AQP7: variants seen among roughly 807,000 people sequenced by gnomAD.
AQP7 encodes aquaporin 7.
Under a neutral mutation model 26.1 loss-of-function variants are expected in AQP7, and 22 were observed. That is an observed-to-expected ratio of 0.84 (90% CI 0.60 to 1.20). AQP7 has a LOEUF of 1.20. Among genes scored for constraint, AQP7 ranks in the 50% most tolerant of loss-of-function variants. The pLI is 0.00. For synonymous variants in AQP7, 167 were observed against 181.7 expected, an observed-to-expected ratio of 0.92 and a Z score of 0.65; for missense variants, 412 against 457.5, an observed-to-expected ratio of 0.90 and a Z score of 0.91.
chr9:33,394,596 C>A (rs1564186197), intron 3 of AQP7, among the ~76,000 whole-genome samples: 1 of 151,066 alleles, frequency 6.6e-6, no homozygotes, highest in Non-Finnish European at 1.5e-5. Context: ...CTCCTGGGCT[C>A]AAGTGATTCT....
chr9:33,387,564 CCCA>C (rs1824974436), intron 3 of AQP7, among the ~76,000 whole-genome samples: 1 of 152,086 alleles, frequency 6.6e-6, no homozygotes, highest in South Asian at 2.1e-4. Flanking sequence ...CACCGCAATT[CCCA>C]CAATGCTGGA....
Position 33,384,261 on chromosome 9 carries a change from A to G in AQP7, c.*744T>C, listed in dbSNP as rs1255854063. ...TTCCCTCTTTGCATCTTCCTTTCCT[A>G]TTCCTTCATGTGGGAGCACTCTGGC... On this transcript the variant is annotated 3_prime_UTR_variant, in exon 8 of 8. Transcript: ENST00000297988. 3.9e-5 allele frequency: 6 copies of G among 152,122 alleles called. No individual in the cohort carries two copies. The highest frequency in any genetic ancestry group is 2.0e-4 in the Admixed American group (3 of 15,274). The allele number at this position is 152,122 out of a possible 1,614,324, so 9.4% of individuals were successfully genotyped here.
chr9:33,392,623 G>C (rs1359088420), intron 3 of AQP7, among the ~76,000 whole-genome samples: 1 of 152,170 alleles, frequency 6.6e-6, no homozygotes, highest in Non-Finnish European at 1.5e-5. Context: ...GCACCCTCCT[G>C]CCTCCGAGGT....
rs549854965 is a variant in AQP7, at chr9:33,389,151, C to G, written c.145-2059G>C. Among the ~76,000 whole-genome samples, 15 of 152,164 alleles carry G rather than the reference C, an allele frequency of 9.9e-5. No individual in the cohort carries two copies. In the East Asian group the frequency reaches 2.9e-3, roughly 29 times the overall value. Reference sequence around the variant, plus strand: ...CAAGTGATTCTCCTGCCTTAGCCTCCCGAGTAGTTGAGATAATAGGTGCAC... The same window carrying G: ...CAAGTGATTCTCCTGCCTTAGCCTCGCGAGTAGTTGAGATAATAGGTGCAC... On this transcript the variant is annotated intron_variant, in intron 3 of 7. Transcript: ENST00000297988.
chr9:33,387,321 G>A (rs1482227053), intron 3 of AQP7, among the ~76,000 whole-genome samples: 2 of 152,130 alleles, frequency 1.3e-5, no homozygotes, highest in African/African-American at 4.8e-5. Context: ...GGGTGGAGCG[G>A]CAGAGTTAGA....
At chr9:33,400,991 C>A in intron 2 of AQP7, 1 of 558,550 alleles carries the variant, frequency 1.8e-6, no homozygotes, top group East Asian at 3.0e-5. Context: ...AGTTGAAGGC[C>A]ACCTGCATGC....
At chr9:33,398,657 G>A (rs1364869760) in intron 2 of AQP7, among the ~76,000 whole-genome samples, 2 of 152,194 alleles carry the variant, frequency 1.3e-5, no homozygotes, top group African/African-American at 2.4e-5. Flanking sequence ...GAATGGACAA[G>A]GAGGCCCTTT....
intron 2 of AQP7, among the ~76,000 whole-genome samples, chr9:33,396,680 T>C (rs754280700): frequency 1.7e-4 from 25 of 144,162 alleles, no homozygotes; most frequent in Non-Finnish European, 2.7e-4. Context: ...CCAGCCTTCT[T>C]TTCTTGACCT....
At chr9:33,398,529 G>C (rs1441866872) in intron 2 of AQP7, among the ~76,000 whole-genome samples, 5 of 152,236 alleles carry the variant, frequency 3.3e-5, no homozygotes, top group Non-Finnish European at 7.3e-5. Context: ...GCACAGTCAA[G>C]CTGACAGGCT....
At chr9:33,393,201 C>T (rs1280198195) in intron 3 of AQP7, among the ~76,000 whole-genome samples, 2 of 152,144 alleles carry the variant, frequency 1.3e-5, no homozygotes, top group Admixed American at 6.5e-5. Flanking sequence ...GCACTCCATC[C>T]TAGGAGACAG....
At chr9:33,399,521 A>G (rs1480246720) in intron 2 of AQP7, among the ~76,000 whole-genome samples, 1 of 151,986 alleles carries the variant, frequency 6.6e-6, no homozygotes, top group Non-Finnish European at 1.5e-5. Context: ...GAATCGCTTG[A>G]ACCCAAGAAG....
chr9:33,399,514 T>A (rs1421840175), intron 2 of AQP7, among the ~76,000 whole-genome samples: 1 of 151,296 alleles, frequency 6.6e-6, no homozygotes, highest in African/African-American at 2.4e-5. Flanking sequence ...GACATGAGAA[T>A]CGCTTGAACC....
chr9:33,398,477 G>A (rs1275353045), intron 2 of AQP7, among the ~76,000 whole-genome samples: 1 of 152,242 alleles, frequency 6.6e-6, no homozygotes. Context: ...AGAAGTGGCG[G>A]CAGCCTGAGC....
intron 5 of AQP7, 47 bp downstream of exon 5, chr9:33,386,357 T>C (rs576262539): frequency 4.7e-5 from 76 of 1,607,220 alleles, no homozygotes; most frequent in East Asian, 2.7e-4. Context: ...CCATATTTCA[T>C]AGGAGGCGGC....
In AQP7 at chr9:33,401,376, C is replaced by T. The variant is rs1420401060; in HGVS notation, c.-25-89G>A. 28 of 1,122,866 alleles carry T rather than the reference C, an allele frequency of 2.5e-5. No individual in the cohort carries two copies. The South Asian group carries it at 3.8e-4, about 15-fold the overall frequency. 69.6% of individuals were successfully genotyped at this position (1,122,866 alleles called of 1,614,324 possible). ...AGACCTTGGTCCCCAGGGGAGAAGC[C>T]CTGGGGCAGCTCCTGCTAGTGCCAC... On this transcript the variant is annotated intron_variant, in intron 1 of 7. Coordinates refer to ENST00000297988, the MANE Select transcript of AQP7 (RefSeq NM_001170.3).
Position 33,387,046 on chromosome 9 carries a change from T to A in AQP7, c.191A>T (p.Tyr64Phe), listed in dbSNP as rs199711780. ...SVAHMVLNKK[Y>F]GSYLGVNLGF... is the part of the protein sequence containing the mutation. ...CAAGTTGACACCAAGGTAGCTCCCA[T>A]ATTTTTTATTTAGAACCATATGGGC... Residue 64 changes from tyrosine (Y) to phenylalanine (F), a missense_variant, in exon 4 of 8, where the codon TAT becomes TTT. Transcript: ENST00000297988. 18 of 1,611,680 alleles carry A rather than the reference T, an allele frequency of 1.1e-5. No homozygotes were observed. The highest frequency in any genetic ancestry group is 2.2e-4 in the Middle Eastern group (1 of 4,452).
In AQP7 at chr9:33,398,534, C is replaced by G. The variant is rs185086007; in HGVS notation, c.26+2703G>C. ...GGCCAAAAGAGCACAGTCAAGCTGA[C>G]AGGCTTGGTGTTTGGTTAGAGAGGG... On this transcript the variant is annotated intron_variant, in intron 2 of 7. Coordinates refer to ENST00000297988, the MANE Select transcript of AQP7 (RefSeq NM_001170.3). Among the ~76,000 whole-genome samples the G allele has an allele frequency of 2.4e-4, 37 of 152,350 alleles. 1 individual carries two copies. The highest frequency in any genetic ancestry group is 4.9e-4 in the Non-Finnish European group (33 of 68,034).
In AQP7 at chr9:33,388,331, C is replaced by A. The variant is rs1262866520; in HGVS notation, c.145-1239G>T. The stretch of plus-strand genomic sequence containing the variant: ...AGAGCTTCCTCGCCATCCTCCCCAG[C>A]ATCCAATCAGCTCTGCTTACATTCT... On this transcript the variant is annotated intron_variant, in intron 3 of 7. Coordinates refer to ENST00000297988, the MANE Select transcript of AQP7 (RefSeq NM_001170.3). 8.5e-5 allele frequency among the ~76,000 whole-genome samples: 13 copies of A among 152,170 alleles called. No homozygotes were observed. In the East Asian group the frequency reaches 2.5e-3, roughly 29 times the overall value.
intron 2 of AQP7, among the ~76,000 whole-genome samples, chr9:33,400,552 C>A (rs566031833): frequency 6.6e-6 from 1 of 152,118 alleles, no homozygotes; most frequent in Admixed American, 6.5e-5. Flanking sequence ...GAGGCCAAGG[C>A]GGGTGGATCA....
Sources: gnomAD v4.1 joint callset for allele counts (sites outside exome capture counted in the v4.1 genomes callset) on GRCh38, gnomAD v4.1.1 for gene constraint, MANE v1.5 for transcripts, NCBI Gene and HGNC (gene_info 2026-07-23, HGNC 2026-07-21) for gene names.